Variants in PCCA observed in about 807,000 individuals in gnomAD.
PCCA encodes propionyl-CoA carboxylase alpha chain, mitochondrial.
A neutral mutation model predicts 101.3 loss-of-function variants in PCCA; 74 were observed. That is an observed-to-expected ratio of 0.73 (90% CI 0.61 to 0.89). The LOEUF (loss-of-function observed/expected upper bound fraction) is 0.89. Ranked by LOEUF, PCCA falls within the 40% of genes least tolerant of loss-of-function variation. The pLI, the probability that PCCA is intolerant of heterozygous loss-of-function variation, is 0.00. For missense variants in PCCA, 891 were observed against 907.0 expected (o/e 0.98, Z 0.23); for synonymous variants, 294 against 313.6 (o/e 0.94, Z 0.66).
chr13:100,402,736 G>A (rs924095352), intron 19 of PCCA, among the ~76,000 whole-genome samples: 2 of 152,170 alleles, frequency 1.3e-5, no homozygotes, highest in African/African-American at 4.8e-5. Context: ...GGTGGTATTG[G>A]TAGGGGCAGG....
chr13:100,471,989 T>G lies in PCCA; in HGVS notation c.1899+22684T>G, dbSNP rs543422020. On this transcript the variant is annotated intron_variant, in intron 21 of 23. Transcript: ENST00000376285. ...GGCAGGCGGACACTTGGAGAGTGAGTGGAGTAGAATGCACTAAGGGAAAGG... is the reference window on the plus strand; with the variant it reads ...GGCAGGCGGACACTTGGAGAGTGAGGGGAGTAGAATGCACTAAGGGAAAGG... 2.0e-5 allele frequency among the ~76,000 whole-genome samples: 3 copies of G among 152,060 alleles called. No homozygotes were observed. In the South Asian group the frequency reaches 6.3e-4, roughly 32 times the overall value.
At chr13:100,508,280 G>A (rs1023030538) in intron 21 of PCCA, among the ~76,000 whole-genome samples, 1 of 152,180 alleles carries the variant, frequency 6.6e-6, no homozygotes, top group Non-Finnish European at 1.5e-5. Flanking sequence ...ATGGGCTTCA[G>A]ATATTCTTAT....
At chr13:100,114,018 T>C (rs2152283952) in intron 4 of PCCA, among the ~76,000 whole-genome samples, 1 of 152,360 alleles carries the variant, frequency 6.6e-6, no homozygotes, top group Admixed American at 6.5e-5. Flanking sequence ...TTTTGACTTT[T>C]TGAACTTTTT....
intron 19 of PCCA, among the ~76,000 whole-genome samples, chr13:100,425,101 A>G (rs1014318052): frequency 6.6e-6 from 1 of 152,126 alleles, no homozygotes; most frequent in Admixed American, 6.5e-5. Flanking sequence ...TCAGTCATTT[A>G]TGATTGACAG....
At chr13:100,341,244 C>G (rs2071264143) in intron 18 of PCCA, among the ~76,000 whole-genome samples, 1 of 152,186 alleles carries the variant, frequency 6.6e-6, no homozygotes, top group African/African-American at 2.4e-5. Context: ...GGAAAATGGT[C>G]AATAGAACCG....
chr13:100,408,908 A>G (rs2783212), intron 19 of PCCA, among the ~76,000 whole-genome samples: 63,891 of 152,160 alleles, frequency 0.42, 14,832 homozygotes, highest in East Asian at 0.66. Context: ...AAAAATGCCT[A>G]GGAAAGAACC....
intron 22 of PCCA, among the ~76,000 whole-genome samples, chr13:100,517,664 G>A (rs1488402946): frequency 6.6e-6 from 1 of 152,170 alleles, no homozygotes; most frequent in East Asian, 1.9e-4. Flanking sequence ...TTCTGTTTGC[G>A]GGGGCTGCTC....
chr13:100,501,426 G>A (rs539507138), intron 21 of PCCA, among the ~76,000 whole-genome samples: 5 of 152,262 alleles, frequency 3.3e-5, no homozygotes, highest in East Asian at 3.9e-4. Flanking sequence ...CTCCAGCAGC[G>A]CATTGTCAGC....
chr13:100,247,523 T>C (rs1235512042), intron 8 of PCCA, among the ~76,000 whole-genome samples: 1 of 148,576 alleles, frequency 6.7e-6, no homozygotes, highest in Non-Finnish European at 1.5e-5. Context: ...GCCTTTTTTT[T>C]TTTTTTTTGA....
intron 4 of PCCA, among the ~76,000 whole-genome samples, chr13:100,124,383 C>T (rs1409845095): frequency 6.6e-6 from 1 of 152,090 alleles, no homozygotes; most frequent in Non-Finnish European, 1.5e-5. Flanking sequence ...GAAACAAGAA[C>T]CTAAAATTAG....
intron 2 of PCCA, among the ~76,000 whole-genome samples, chr13:100,105,938 A>G (rs2047753353): frequency 6.7e-6 from 1 of 150,312 alleles, no homozygotes; most frequent in Admixed American, 6.6e-5. Context: ...ATTCGTCAAT[A>G]TATGTTATTG....
intron 8 of PCCA, among the ~76,000 whole-genome samples, chr13:100,252,929 C>T (rs1052598722): frequency 3.9e-5 from 6 of 152,158 alleles, no homozygotes; most frequent in African/African-American, 7.2e-5. Flanking sequence ...TAGGTACTTC[C>T]CTTTCCTGTA....
chr13:100,439,363 C>T (rs951539009), intron 20 of PCCA, among the ~76,000 whole-genome samples: 3 of 152,000 alleles, frequency 2.0e-5, no homozygotes, highest in Non-Finnish European at 2.9e-5. Context: ...ATTTTTAAAA[C>T]GTGGAATGAT....
At chr13:100,221,740 T>TG (rs1285929411) in intron 7 of PCCA, among the ~76,000 whole-genome samples, 124 of 144,140 alleles carry the variant, frequency 8.6e-4, no homozygotes, top group African/African-American at 3.0e-3. Context: ...TTTGTTTCCC[T>TG]GGGAAATTTT....
chr13:100,261,023 A>G (rs1187920141), intron 9 of PCCA, among the ~76,000 whole-genome samples: 2 of 152,166 alleles, frequency 1.3e-5, no homozygotes, highest in Non-Finnish European at 2.9e-5. Context: ...ACCATTTGCA[A>G]CTTAAAGGAC....
At chr13:100,107,517 G>T (rs774184092) in intron 2 of PCCA, among the ~76,000 whole-genome samples, 1 of 151,606 alleles carries the variant, frequency 6.6e-6, no homozygotes, top group Non-Finnish European at 1.5e-5. Context: ...GCAAAACCCC[G>T]TCTCTTAAGA....
intron 18 of PCCA, among the ~76,000 whole-genome samples, chr13:100,359,646 A>G (rs1186344333): frequency 2.0e-5 from 3 of 152,348 alleles, no homozygotes; most frequent in Admixed American, 2.0e-4. Context: ...ACGGAGCCTA[A>G]TGATTGCAAA....
chr13:100,282,670 T>C (rs1595102013), intron 12 of PCCA, among the ~76,000 whole-genome samples: 1 of 152,190 alleles, frequency 6.6e-6, no homozygotes, highest in Non-Finnish European at 1.5e-5. Context: ...TGGGGAAAAA[T>C]GGCCACCTGA....
At chr13:100,408,906 C>T (rs769110380) in intron 19 of PCCA, among the ~76,000 whole-genome samples, 3 of 152,170 alleles carry the variant, frequency 2.0e-5, no homozygotes, top group Non-Finnish European at 4.4e-5. Context: ...TAAAAAATGC[C>T]TAGGAAAGAA....
Sources: gnomAD v4.1 joint callset for allele counts (sites outside exome capture counted in the v4.1 genomes callset) on GRCh38, gnomAD v4.1.1 for gene constraint, MANE v1.5 for transcripts, NCBI Gene and HGNC (gene_info 2026-07-23, HGNC 2026-07-21) for gene names.